Variants in RPL3L observed in about 807,000 individuals in gnomAD.
RPL3L encodes ribosomal protein uL3-like.
In RPL3L, 44 loss-of-function variants were observed where a neutral mutation model predicts 44.5. The ratio of observed to expected loss-of-function variants is 0.99; its 90% CI spans 0.78 to 1.27. The LOEUF is 1.27. Ranked by LOEUF, RPL3L falls within the 50% of genes most tolerant of loss-of-function variation. The pLI is 0.00. For synonymous variants in RPL3L, 292 were observed against 230.7 expected, an observed-to-expected ratio of 1.27 and a Z score of -2.41; for missense variants, 631 against 569.1, an observed-to-expected ratio of 1.11 and a Z score of -1.11.
chr16:1,953,630 C>G (rs1186593015), intron 2 of RPL3L, among the ~76,000 whole-genome samples: 1 of 152,194 alleles, frequency 6.6e-6, no homozygotes, highest in African/African-American at 2.4e-5. Flanking sequence ...CCGAAATGGC[C>G]AAAAAGTGCA....
chr16:1,952,549 A>G (rs1284447141), intron 3 of RPL3L, among the ~76,000 whole-genome samples: 2 of 147,158 alleles, frequency 1.4e-5, no homozygotes, highest in African/African-American at 5.0e-5. Flanking sequence ...TAATTTTTGT[A>G]TTTTTTGGTA....
At chr16:1,949,073 C>T (rs1184445865) in intron 4 of RPL3L, among the ~76,000 whole-genome samples, 1 of 146,638 alleles carries the variant, frequency 6.8e-6, no homozygotes, top group African/African-American at 2.6e-5. Context: ...TCTCGAAGTC[C>T]TCCTGCCTCA....
intron 8 of RPL3L, 40 bp from the exon 9 acceptor site, chr16:1,945,658 T>A (rs771457203): frequency 1.9e-6 from 3 of 1,611,962 alleles, no homozygotes; most frequent in Non-Finnish European, 2.5e-6. Flanking sequence ...AGTGTGGGGA[T>A]CCCCCACACC....
rs780785801 is a variant in RPL3L, at chr16:1,947,322, C to CCGTT, written c.556_559dup (p.Gly187GlufsTer30). On this transcript the variant is annotated frameshift_variant, in exon 5 of 10. Coordinates refer to ENST00000268661, the MANE Select transcript of RPL3L (RefSeq NM_005061.3). LOFTEE classifies it high-confidence loss of function. Reference sequence around the variant, plus strand: ...GGCCACCTTCTCGGCCACCGTGCCACCGTTCAGCTGGATCTCCATGATGTG... The same window carrying CCGTT: ...GGCCACCTTCTCGGCCACCGTGCCACCGTTCGTTCAGCTGGATCTCCATGATGTG... The CCGTT allele has an allele frequency of 6.2e-7, 1 of 1,611,334 alleles. No individual in the cohort carries two copies. Among genetic ancestry groups the CCGTT allele is most frequent in the Non-Finnish European group, 8.5e-7 (1 of 1,179,438 alleles).
At chr16:1,945,807 A>G in intron 8 of RPL3L, 28 bp downstream of exon 8, 2 of 1,611,968 alleles carry the variant, frequency 1.2e-6, no homozygotes, top group Non-Finnish European at 1.7e-6. Context: ...TCGGGCACCC[A>G]CTCCCCAGCC....
chr16:1,947,836 C>T (rs976008466), intron 4 of RPL3L, among the ~76,000 whole-genome samples: 14 of 151,960 alleles, frequency 9.2e-5, no homozygotes, highest in Non-Finnish European at 1.6e-4. Context: ...AGAGAGGAGA[C>T]CAGTGTGGGC....
chr16:1,949,783 G>A (rs2083157257), intron 4 of RPL3L, among the ~76,000 whole-genome samples: 1 of 77,254 alleles, frequency 1.3e-5, no homozygotes, highest in African/African-American at 6.6e-5. Context: ...TATGTAGGGG[G>A]CAGGTATGGA....
rs911846339 is a variant in RPL3L at position 1,954,279 on chromosome 16, T to A, written c.4-131A>T. 10 of 1,019,978 alleles carry A rather than the reference T, an allele frequency of 9.8e-6. No individual in the cohort carries two copies. In the African/African-American group the frequency reaches 1.3e-4, roughly 14 times the overall value. The allele number at this position is 1,019,978 out of a possible 1,614,324, so 63.2% of individuals were successfully genotyped here. ...AGGCCTGTGCTCAGCACCTCCCCTG[T>A]CTGCCTACAGGAGGGGAGAGGAAGG... On this transcript the variant is annotated intron_variant, in intron 1 of 9. Coordinates refer to ENST00000268661, the MANE Select transcript of RPL3L (RefSeq NM_005061.3).
At chr16:1,947,173 G>A in intron 5 of RPL3L, 21 bp downstream of exon 5, 1 of 1,612,670 alleles carries the variant, frequency 6.2e-7, no homozygotes, top group Non-Finnish European at 8.5e-7. Context: ...CCCTGGAGCT[G>A]CCATCCTCAC....
rs1187386821 is a variant in RPL3L at position 1,947,511 on chromosome 16, T to C, written c.502-131A>G. ...ATTCACAGGTGTTCCCAGGATCAGGTTGCAACCCATGTGTTGTGCTAGGCA... is the reference window on the plus strand; with the variant it reads ...ATTCACAGGTGTTCCCAGGATCAGGCTGCAACCCATGTGTTGTGCTAGGCA... On this transcript the variant is annotated intron_variant, in intron 4 of 9. Transcript: ENST00000268661. 55 of 1,142,438 alleles carry C rather than the reference T, an allele frequency of 4.8e-5. 1 individual carries two copies. In the South Asian group the frequency reaches 7.7e-4, roughly 16 times the overall value. 70.8% of individuals were successfully genotyped at this position (1,142,438 alleles called of 1,614,324 possible).
At position 1,945,580 on chromosome 16, in the gene RPL3L, A is replaced by G. The variant is rs1249553568; in HGVS notation, c.1086T>C (p.Asn362=). 6.2e-7 allele frequency: 1 copy of G among 1,613,862 alleles called. No individual in the cohort carries two copies. The highest frequency in any genetic ancestry group is 8.5e-7 in the Non-Finnish European group (1 of 1,179,952). ...TGGTGTCAATGAACTTGAGCTCAATATTCTCCACGGCTTGGCGACTGTGAT... is the reference window on the plus strand; with the variant it reads ...TGGTGTCAATGAACTTGAGCTCAATGTTCTCCACGGCTTGGCGACTGTGAT... ...LVHHSRQAVE[N]IELKFIDTTS... The change falls in exon 9 of 10, where the codon AAT becomes AAC. Residue 362 remains asparagine, a synonymous_variant. Transcript: ENST00000268661.
Position 1,944,602 on chromosome 16 carries a change from A to G in RPL3L, c.*235T>C, listed in dbSNP as rs1028534019. 2 of 479,956 alleles carry G rather than the reference A, an allele frequency of 4.2e-6. No individual in the cohort carries two copies. The highest frequency in any genetic ancestry group is 1.9e-5 in the African/African-American group (1 of 51,558). The allele number at this position is 479,956 out of a possible 1,614,324, so 29.7% of individuals were successfully genotyped here. On this transcript the variant is annotated 3_prime_UTR_variant, in exon 10 of 10. Coordinates refer to ENST00000268661, the MANE Select transcript of RPL3L (RefSeq NM_005061.3). The stretch of plus-strand genomic sequence containing the variant: ...AATGCTCAAAGAGATCGATTTGAGT[A>G]ATAATAAAACATAAAACTCCGGTCT...
rs1390621234 is a variant in RPL3L, at chr16:1,944,890, G to A, written c.1171C>T (p.Pro391Ser). ...TAQEKRAFMG[P>S]QKKHLEKETP... ...TCCTTCTCCAGATGCTTCTTTTGGG[G>A]GCCCTGGTTGAGAGGGTGGTGCAGG... is the stretch of plus-strand genomic sequence containing the variant. Residue 391 changes from proline (P) to serine (S), a missense_variant, in exon 10 of 10, where the codon CCC (proline) becomes TCC (serine). Pro to Ser is a moderately conservative substitution (Grantham distance 74, BLOSUM62 -1). Coordinates refer to ENST00000268661, the MANE Select transcript of RPL3L (RefSeq NM_005061.3). 6.2e-7 allele frequency: 1 copy of A among 1,613,500 alleles called. No homozygotes were observed. Among genetic ancestry groups the A allele is most frequent in the East Asian group, 2.2e-5 (1 of 44,816 alleles).
intron 3 of RPL3L, among the ~76,000 whole-genome samples, chr16:1,952,235 C>T (rs760925144): frequency 1.3e-5 from 2 of 151,712 alleles, no homozygotes; most frequent in Non-Finnish European, 2.9e-5. Flanking sequence ...TCCCAAAGTG[C>T]TGGGACTACT....
At chr16:1,949,823 A>T (rs941030582) in intron 4 of RPL3L, among the ~76,000 whole-genome samples, 1 of 32,632 alleles carries the variant, frequency 3.1e-5, no homozygotes, top group Admixed American at 4.1e-4. Context: ...GCAGGTATGG[A>T]CGGGGCAGGT....
chr16:1,949,146 T>G (rs2083148573), intron 4 of RPL3L, among the ~76,000 whole-genome samples: 1 of 151,608 alleles, frequency 6.6e-6, no homozygotes, highest in Admixed American at 6.6e-5. Context: ...AATTTTTAAT[T>G]TTTTTGTAGA....
Position 1,950,722 on chromosome 16 carries a change from C to T in RPL3L, c.501+122G>A, listed in dbSNP as rs914201955. The T allele has an allele frequency of 4.0e-6, 6 of 1,500,604 alleles. No homozygotes were observed. In the African/African-American group the frequency reaches 7.0e-5, roughly 17 times the overall value. The allele number at this position is 1,500,604 out of a possible 1,614,324, so 93.0% of individuals were successfully genotyped here. ...CGTGGCCAGCGAGGCTGGTCAGCCG[C>T]TCCTCTGGGTCTGTGCCGAGGCTCG... On this transcript the variant is annotated intron_variant, in intron 4 of 9. Transcript: ENST00000268661.
chr16:1,944,574 G>A lies in RPL3L; in HGVS notation c.*263C>T, dbSNP rs1207135608. 8.3e-6 allele frequency: 2 copies of A among 239,712 alleles called. No individual in the cohort carries two copies. The highest frequency in any genetic ancestry group is 7.9e-5 in the East Asian group (1 of 12,602). 14.8% of individuals were successfully genotyped at this position (239,712 alleles called of 1,614,324 possible). On this transcript the variant is annotated 3_prime_UTR_variant, in exon 10 of 10. Transcript: ENST00000268661. ...AAAAAAAAAAAAAAACCTCTGCTCCGCAAATGCTCAAAGAGATCGATTTGA... is the reference window on the plus strand; with the variant it reads ...AAAAAAAAAAAAAAACCTCTGCTCCACAAATGCTCAAAGAGATCGATTTGA...
intron 3 of RPL3L, among the ~76,000 whole-genome samples, chr16:1,951,732 T>C (rs950975801): frequency 8.8e-5 from 12 of 136,242 alleles, no homozygotes; most frequent in African/African-American, 2.7e-4. Flanking sequence ...TGGACATTAT[T>C]ATTATTATTA....
Sources: allele counts gnomAD v4.1 joint callset (sites outside exome capture counted in the v4.1 genomes callset), GRCh38; gene constraint gnomAD v4.1.1; transcripts MANE v1.5; gene names NCBI Gene and HGNC (gene_info 2026-07-23, HGNC 2026-07-21).